The following GOLGA4 variants were observed in gnomAD, a reference collection of about 807,000 sequenced individuals.
The protein encoded by GOLGA4 is golgin subfamily A member 4.
In GOLGA4, 169 loss-of-function variants were observed where a neutral mutation model predicts 265.9. That is an observed-to-expected ratio of 0.64 (90% confidence interval 0.56 to 0.72). The LOEUF (loss-of-function observed/expected upper bound fraction) is 0.72, where lower values mean the gene tolerates loss of function less well. Among genes scored for constraint, GOLGA4 ranks in the 30% least tolerant of loss-of-function variants. The pLI, the probability that GOLGA4 is intolerant of heterozygous loss-of-function variation, is 0.00. For missense variants in GOLGA4, 2,482 were observed against 2,483.4 expected (o/e 1.00, Z 0.01); for synonymous variants, 923 against 855.8 (o/e 1.08, Z -1.37).
chr3:37,270,298 A>C (rs1412791247), intron 2 of GOLGA4, among the ~76,000 whole-genome samples: 2 of 142,076 alleles, frequency 1.4e-5, no homozygotes, highest in African/African-American at 5.3e-5. Context: ...CTCTGCCTCC[A>C]GGATTAAAGC....
At chr3:37,342,779 TG>T (rs1396922348) in intron 20 of GOLGA4, among the ~76,000 whole-genome samples, 1 of 152,262 alleles carries the variant, frequency 6.6e-6, no homozygotes, top group Non-Finnish European at 1.5e-5. Context: ...TGAATATTTT[TG>T]TGCATATCCC....
chr3:37,330,642 A>G (rs2096986837), intron 16 of GOLGA4, among the ~76,000 whole-genome samples: 1 of 152,154 alleles, frequency 6.6e-6, no homozygotes, highest in Non-Finnish European at 1.5e-5. Flanking sequence ...TAGTACAGCA[A>G]GTGGACAGGA....
rs1265222521 is a variant in GOLGA4 at position 37,324,169 on chromosome 3, T to C, written c.2283T>C (p.Leu761=). ...CATTAAAAGATCAAATTAATCAACT[T>C]GAGCTTCTCTTGAAGGAAAGGGACA... ...EKALKDQINQ[L]ELLLKERDKH... Residue 761 remains leucine, a synonymous_variant, in exon 14 of 24, where the codon CTT becomes CTC. Coordinates refer to ENST00000361924, the MANE Select transcript of GOLGA4 (RefSeq NM_002078.5). 6.2e-7 allele frequency: 1 copy of C among 1,614,090 alleles called. No individual in the cohort carries two copies. The highest frequency in any genetic ancestry group is 2.2e-5 in the East Asian group (1 of 44,882).
chr3:37,285,806 T>C (rs906719396), intron 3 of GOLGA4, among the ~76,000 whole-genome samples: 2 of 152,250 alleles, frequency 1.3e-5, no homozygotes, highest in Non-Finnish European at 1.5e-5. Context: ...TGAAGTCATA[T>C]GGAGATTTAA....
intron 2 of GOLGA4, 139 bp downstream of exon 2, chr3:37,251,623 G>A: frequency 4.1e-6 from 2 of 484,580 alleles, no homozygotes; most frequent in South Asian, 3.2e-5. Context: ...AACACAATTG[G>A]TCTTTTTTTT....
intron 21 of GOLGA4, among the ~76,000 whole-genome samples, chr3:37,352,562 G>A (rs1185177987): frequency 2.0e-5 from 3 of 152,000 alleles, no homozygotes; most frequent in African/African-American, 7.2e-5. Flanking sequence ...TTATGATATG[G>A]AGATGTCTTC....
intron 5 of GOLGA4, among the ~76,000 whole-genome samples, chr3:37,290,182 A>G (rs1391113442): frequency 6.6e-6 from 1 of 152,226 alleles, no homozygotes; most frequent in African/African-American, 2.4e-5. Context: ...ATAGTAATTG[A>G]GAAAAACTAG....
intron 9 of GOLGA4, among the ~76,000 whole-genome samples, chr3:37,301,845 A>G (rs894560272): frequency 1.9e-4 from 29 of 152,082 alleles, no homozygotes; most frequent in African/African-American, 6.8e-4. Context: ...CTGGAGTGCA[A>G]TGGCGTGATC....
At chr3:37,349,725 A>G (rs2097067795) in intron 21 of GOLGA4, among the ~76,000 whole-genome samples, 1 of 152,158 alleles carries the variant, frequency 6.6e-6, no homozygotes, top group South Asian at 2.1e-4. Flanking sequence ...AGAATTTGAA[A>G]TGGAGACCAG....
rs1443973653 is a variant in GOLGA4 at position 37,366,238 on chromosome 3, C to A, written c.*192C>A. 3.5e-6 allele frequency: 2 copies of A among 566,432 alleles called. No individual in the cohort carries two copies. The highest frequency in any genetic ancestry group is 6.0e-6 in the Non-Finnish European group (2 of 335,630). 35.1% of individuals were successfully genotyped at this position (566,432 alleles called of 1,614,324 possible). A position where few individuals can be genotyped will look rare whatever the true frequency, so the allele number is the denominator to read the frequency against. ...ATCTGGCCCACAGATAAGTTGCAGA[C>A]TGCCTTTAAAATAGATTTTATCAGT... On this transcript the variant is annotated 3_prime_UTR_variant, in exon 24 of 24. Coordinates refer to ENST00000361924, the MANE Select transcript of GOLGA4 (RefSeq NM_002078.5).
At chr3:37,356,326 ACTT>A (rs1258213838) in intron 22 of GOLGA4, among the ~76,000 whole-genome samples, 1 of 152,118 alleles carries the variant, frequency 6.6e-6, no homozygotes, top group Admixed American at 6.6e-5. Context: ...CATTCTGACC[ACTT>A]CTTCTTGGTC....
At chr3:37,243,670 C>T (rs916929689) in intron 1 of GOLGA4, 48 bp downstream of exon 1, 1 of 1,481,592 alleles carries the variant, frequency 6.7e-7, no homozygotes, top group Non-Finnish European at 9.4e-7. Flanking sequence ...ACCTCTTGAA[C>T]CGGCCCGCGG....
Position 37,337,179 on chromosome 3 carries a change from C to CTTTT in GOLGA4, c.6327+26_6327+29dup, listed in dbSNP as rs756259334. 93 of 1,073,234 alleles carry CTTTT rather than the reference C, an allele frequency of 8.7e-5. No individual in the cohort carries two copies. The highest frequency in any genetic ancestry group is 2.8e-4 in the Admixed American group (11 of 39,208). 66.5% of individuals were successfully genotyped at this position (1,073,234 alleles called of 1,614,324 possible). ...GGAGCTACAGGTAAGGCTAGTTCTT[C>CTTTT]TTTTTTTTTTTTTCTTTTTTTTCTT... On this transcript the variant is annotated intron_variant, in intron 18 of 23. Coordinates refer to ENST00000361924, the MANE Select transcript of GOLGA4 (RefSeq NM_002078.5).
intron 20 of GOLGA4, among the ~76,000 whole-genome samples, chr3:37,345,036 G>A (rs909994411): frequency 2.6e-5 from 4 of 151,864 alleles, no homozygotes; most frequent in African/African-American, 9.7e-5. Context: ...ACAATGTAGT[G>A]GGACCCTGTC....
chr3:37,259,794 A>G (rs1282602798), intron 2 of GOLGA4, among the ~76,000 whole-genome samples: 1 of 152,090 alleles, frequency 6.6e-6, no homozygotes, highest in Non-Finnish European at 1.5e-5. Flanking sequence ...GTTTTTTCCC[A>G]TCTTATATAC....
chr3:37,325,095 A>T lies in GOLGA4; in HGVS notation c.3209A>T (p.Glu1070Val). 1 of 1,612,988 alleles carries T rather than the reference A, an allele frequency of 6.2e-7. No homozygotes were observed. Among genetic ancestry groups the T allele is most frequent in the Non-Finnish European group, 8.5e-7 (1 of 1,179,332 alleles). Residue 1070 changes from glutamate (E) to valine (V), a missense_variant, in exon 14 of 24, where the codon GAA becomes GTA. This residue lies in a region of GOLGA4 where 1,536 missense variants were observed against 1,483.7 expected (regional missense o/e 1.04). Coordinates refer to ENST00000361924, the MANE Select transcript of GOLGA4 (RefSeq NM_002078.5). The part of the protein sequence containing the change: ...EIHEIQLQEK[E>V]QEVAELKQKI... ...CATGAAATCCAATTACAGGAAAAAGAACAAGAGGTAGCAGAACTGAAACAA... is the reference window on the plus strand; with the variant it reads ...CATGAAATCCAATTACAGGAAAAAGTACAAGAGGTAGCAGAACTGAAACAA...
At chr3:37,273,447 A>G in intron 2 of GOLGA4, 1 of 681,824 alleles carries the variant, frequency 1.5e-6, no homozygotes, top group South Asian at 1.7e-5. Flanking sequence ...TGTATCTGAT[A>G]GGTCTTGGCA....
chr3:37,357,278 C>T (rs1030341860), intron 22 of GOLGA4, among the ~76,000 whole-genome samples: 14 of 152,094 alleles, frequency 9.2e-5, no homozygotes, highest in Non-Finnish European at 2.1e-4. Context: ...AGCAAAGTCT[C>T]ATCCATCATT....
Position 37,324,220 on chromosome 3 carries a change from T to C in GOLGA4, c.2334T>C (p.His778=), listed in dbSNP as rs769759982. 14 of 1,614,138 alleles carry C rather than the reference T, an allele frequency of 8.7e-6. No individual in the cohort carries two copies. In the South Asian group the frequency reaches 1.4e-4, roughly 16 times the overall value. Residue 778 remains histidine, a synonymous_variant, in exon 14 of 24, where the codon CAT becomes CAC. Coordinates refer to ENST00000361924, the MANE Select transcript of GOLGA4 (RefSeq NM_002078.5). ...AGCATTTGAAAGAGCATCAGGCTCATGTAGAAAATTTAGAGGCAGATATTA... is the reference window on the plus strand; with the variant it reads ...AGCATTTGAAAGAGCATCAGGCTCACGTAGAAAATTTAGAGGCAGATATTA... ...RDKHLKEHQA[H]VENLEADIKR...
Sources: gnomAD v4.1 joint callset for allele counts (sites outside exome capture counted in the v4.1 genomes callset) on GRCh38, gnomAD v4.1.1 for gene constraint, gnomAD v4.1.1 regional missense constraint, MANE v1.5 for transcripts, NCBI Gene and HGNC (gene_info 2026-07-23, HGNC 2026-07-21) for gene names.